The following ANXA7 variants were observed in gnomAD, a reference collection of about 807,000 sequenced individuals.
ANXA7 encodes the protein annexin VII.
In ANXA7, 55 loss-of-function variants were observed where a neutral mutation model predicts 64.9. The observed-to-expected ratio is 0.85, with a 90% CI of 0.68 to 1.06. The LOEUF (loss-of-function observed/expected upper bound fraction) is 1.06. ANXA7 is among the 50% of genes least tolerant of loss of function. The pLI is 0.00. For synonymous variants in ANXA7, 200 were observed against 192.4 expected (o/e 1.04, Z -0.33); for missense variants, 548 against 582.1 (o/e 0.94, Z 0.60).
chr10:73,379,995 C>T, intron 10 of ANXA7, 36 bp downstream of exon 10: 1 of 1,612,182 alleles, frequency 6.2e-7, no homozygotes, highest in Non-Finnish European at 8.5e-7. Context: ...TTGTATCTTA[C>T]AGCAGAAGCC....
chr10:73,381,187 C>T (rs554530819), intron 9 of ANXA7, among the ~76,000 whole-genome samples: 1 of 152,192 alleles, frequency 6.6e-6, no homozygotes, highest in Admixed American at 6.5e-5. Flanking sequence ...TATAAGCTCA[C>T]ACCACCACAC....
At chr10:73,403,166 A>G (rs7074613) in intron 1 of ANXA7, among the ~76,000 whole-genome samples, 15,827 of 152,098 alleles carry the variant, frequency 0.1, 1,185 homozygotes, top group East Asian at 0.3. Flanking sequence ...ATTATGGCCA[A>G]CACCCACACT....
At chr10:73,404,975 G>A (rs1043155376) in intron 1 of ANXA7, among the ~76,000 whole-genome samples, 6 of 151,832 alleles carry the variant, frequency 4.0e-5, no homozygotes, top group Non-Finnish European at 4.4e-5. Context: ...AGGGCCGGGC[G>A]CGGTGGCTCA....
rs560741072 is a variant in ANXA7, at chr10:73,397,238, C to T, written c.296G>A (p.Gly99Glu). 3.1e-6 allele frequency: 5 copies of T among 1,612,532 alleles called. No individual in the cohort carries two copies. In the Admixed American group the frequency reaches 8.3e-5, roughly 27 times the overall value. The change falls in exon 4 of 13, where the codon GGA becomes GAA. Residue 99 changes from glycine to glutamate, a missense_variant. Coordinates refer to ENST00000372921, the MANE Select transcript of ANXA7 (RefSeq NM_001156.5). ...PGQGFGVPPGGAGFSGYPQPP... is the reference protein window; with the variant it reads ...PGQGFGVPPGEAGFSGYPQPP... Reference sequence around the variant, plus strand: ...CTGTGGATACCCAGAAAAGCCTGCTCCACCTGGTGGGACTCCAAATCCTTG... The same window carrying T: ...CTGTGGATACCCAGAAAAGCCTGCTTCACCTGGTGGGACTCCAAATCCTTG...
chr10:73,411,558 A>C (rs987466811), intron 1 of ANXA7, among the ~76,000 whole-genome samples: 1 of 152,096 alleles, frequency 6.6e-6, no homozygotes, highest in East Asian at 1.9e-4. Context: ...CTCCTGTCTC[A>C]GCCTCCCGTG....
At chr10:73,382,856 T>G (rs2055296659) in intron 9 of ANXA7, among the ~76,000 whole-genome samples, 1 of 152,186 alleles carries the variant, frequency 6.6e-6, no homozygotes, top group Non-Finnish European at 1.5e-5. Context: ...CACTTGATGG[T>G]GGGGCATAAT....
At position 73,383,317 on chromosome 10, in the gene ANXA7, A is replaced by G. The variant is rs2055305856; in HGVS notation, c.776T>C (p.Ile259Thr). 2 of 1,614,014 alleles carry G rather than the reference A, an allele frequency of 1.2e-6. No individual in the cohort carries two copies. Among genetic ancestry groups the G allele is most frequent in the Non-Finnish European group, 1.7e-6 (2 of 1,179,960 alleles). ...ATTTGTTCTTGTGCACAAAATCTCA[A>G]TCAATACACGTTCCTGAGTTCCTGC... is the stretch of plus-strand genomic sequence containing the variant. The part of the protein sequence containing the change: ...QGAGTQERVL[I>T]EILCTRTNQE... The change falls in exon 9 of 13, where the codon ATT becomes ACT. Residue 259 changes from isoleucine to threonine, a missense_variant. By Grantham distance (89) the Ile-to-Thr change is moderately conservative. Coordinates refer to ENST00000372921, the MANE Select transcript of ANXA7 (RefSeq NM_001156.5).
In ANXA7 at chr10:73,388,206, G is replaced by A. The variant is rs751723622; in HGVS notation, c.538+106C>T. On this transcript the variant is annotated intron_variant, in intron 6 of 12. Coordinates refer to ENST00000372921, the MANE Select transcript of ANXA7 (RefSeq NM_001156.5). ...GACATCAGATTAAATCCAGGTATGC[G>A]CACCCAGGCTGACACATAAACTTGG... The A allele has an allele frequency of 1.2e-4, 93 of 757,672 alleles. 1 individual carries two copies. The highest frequency in any genetic ancestry group is 1.0e-3 in the South Asian group (63 of 61,268). 46.9% of individuals were successfully genotyped at this position (757,672 alleles called of 1,614,324 possible). A position where few individuals can be genotyped will look rare whatever the true frequency, so the allele number is the denominator to read the frequency against.
chr10:73,388,285 A>T, intron 6 of ANXA7, 27 bp downstream of exon 6: 1 of 1,562,456 alleles, frequency 6.4e-7, no homozygotes, highest in Non-Finnish European at 8.8e-7. Context: ...TAACTTATTA[A>T]AAAAGACAAA....
intron 2 of ANXA7, 22 bp from the exon 3 acceptor site, chr10:73,398,407 T>G: frequency 6.3e-7 from 1 of 1,592,858 alleles, no homozygotes; most frequent in Non-Finnish European, 8.6e-7. Context: ...GAATAATTTT[T>G]AAACAAATAC....
At position 73,394,988 on chromosome 10, in the gene ANXA7, C is replaced by G. The variant is rs75920290; in HGVS notation, c.435+1531G>C. 3.1e-3 allele frequency among the ~76,000 whole-genome samples: 470 copies of G among 152,118 alleles called. 1 individual carries two copies. Among genetic ancestry groups the G allele is most frequent in the African/African-American group, 0.011 (444 of 41,494 alleles). On this transcript the variant is annotated intron_variant, in intron 5 of 12. Coordinates refer to ENST00000372921, the MANE Select transcript of ANXA7 (RefSeq NM_001156.5). Reference sequence around the variant, plus strand: ...ATTATATGCATGCTTAAACTAAAATCAAAATTTTCATAACAAAAGTGATTA... The same window carrying G: ...ATTATATGCATGCTTAAACTAAAATGAAAATTTTCATAACAAAAGTGATTA...
At position 73,391,753 on chromosome 10, in the gene ANXA7, A is replaced by G. The variant is rs556687612; in HGVS notation, c.436-3339T>C. Among the ~76,000 whole-genome samples the G allele has an allele frequency of 4.4e-4, 67 of 152,308 alleles. No homozygotes were observed. The South Asian group carries it at 0.01, about 24-fold the overall frequency. ...TTTTTTTACACCTTCCTTGATACAC[A>G]CAGACACATCCATACTCAACATCAA... On this transcript the variant is annotated intron_variant, in intron 5 of 12. Transcript: ENST00000372921.
At chr10:73,383,010 T>C (rs2055299017) in intron 9 of ANXA7, among the ~76,000 whole-genome samples, 165 bp downstream of exon 9, 1 of 152,210 alleles carries the variant, frequency 6.6e-6, no homozygotes, top group Admixed American at 6.5e-5. Context: ...TAAATCTCAA[T>C]AGTAACTACA....
In ANXA7 at chr10:73,397,335, T is replaced by C. The variant is rs993232667; in HGVS notation, c.260-61A>G. On this transcript the variant is annotated intron_variant, in intron 3 of 12. Transcript: ENST00000372921. ...GTTCTCATGATTGCAGAAAAAACTT[T>C]AGAAAAATATCTATTGTTAACAGTG... The C allele has an allele frequency of 5.2e-6, 5 of 969,902 alleles. No individual in the cohort carries two copies. The East Asian group carries it at 8.1e-5, about 16-fold the overall frequency. 60.1% of individuals were successfully genotyped at this position (969,902 alleles called of 1,614,324 possible).
At chr10:73,404,415 T>A (rs1564533614) in intron 1 of ANXA7, among the ~76,000 whole-genome samples, 1 of 152,206 alleles carries the variant, frequency 6.6e-6, no homozygotes, top group Non-Finnish European at 1.5e-5. Flanking sequence ...ACATTACTAT[T>A]TTTTTGGTGT....
chr10:73,393,617 C>T (rs2055521795), intron 5 of ANXA7, among the ~76,000 whole-genome samples: 2 of 152,070 alleles, frequency 1.3e-5, no homozygotes, highest in African/African-American at 2.4e-5. Flanking sequence ...GAAAGGATTC[C>T]CTATTTAATA....
At chr10:73,409,859 C>T (rs1410823780) in intron 1 of ANXA7, among the ~76,000 whole-genome samples, 2 of 152,034 alleles carry the variant, frequency 1.3e-5, no homozygotes, top group Non-Finnish European at 1.5e-5. Context: ...GAAATAAAGC[C>T]AAATACATAC....
At chr10:73,410,137 A>G (rs1466310822) in intron 1 of ANXA7, among the ~76,000 whole-genome samples, 2 of 152,154 alleles carry the variant, frequency 1.3e-5, no homozygotes, top group Non-Finnish European at 2.9e-5. Flanking sequence ...AAACGCAACA[A>G]AAACAAAAAT....
intron 1 of ANXA7, among the ~76,000 whole-genome samples, chr10:73,413,140 T>TAGCC (rs1180750854): frequency 9.2e-5 from 14 of 152,212 alleles, no homozygotes; most frequent in African/African-American, 3.4e-4. Flanking sequence ...GACAGGTAGG[T>TAGCC]AGCCAACCAC....
Sources: gnomAD v4.1 joint callset for allele counts (sites outside exome capture counted in the v4.1 genomes callset) on GRCh38, gnomAD v4.1.1 for gene constraint, MANE v1.5 for transcripts, NCBI Gene and HGNC (gene_info 2026-07-23, HGNC 2026-07-21) for gene names.